Variants in ALDH1A1 observed in about 807,000 individuals in gnomAD.
ALDH1A1 encodes the protein aldehyde dehydrogenase 1A1.
ALDH1A1 carries 19 observed loss-of-function variants against 62.1 expected under a neutral mutation model. That is an observed-to-expected ratio of 0.31 (90% confidence interval 0.21 to 0.45). The LOEUF (loss-of-function observed/expected upper bound fraction) is 0.45. Among genes scored for constraint, ALDH1A1 ranks in the 20% least tolerant of loss-of-function variants. The pLI, the probability that ALDH1A1 is intolerant of heterozygous loss-of-function variation, is 1.00. For synonymous variants in ALDH1A1, 231 were observed against 215.9 expected, an observed-to-expected ratio of 1.07 and a Z score of -0.61; for missense variants, 521 against 607.1, an observed-to-expected ratio of 0.86 and a Z score of 1.49.
intron 12 of ALDH1A1, among the ~76,000 whole-genome samples, chr9:72,902,207 TG>T (rs1474469745): frequency 6.6e-6 from 1 of 152,048 alleles, no homozygotes; most frequent in Non-Finnish European, 1.5e-5. Flanking sequence ...AGAAACTGAC[TG>T]ATTTACCCCT....
Position 72,902,667 on chromosome 9 carries a change from G to A in ALDH1A1, c.1434-1387C>T, listed in dbSNP as rs8187991. Among the ~76,000 whole-genome samples the A allele has an allele frequency of 3.7e-3, 562 of 152,046 alleles. 6 individuals carry two copies. The highest frequency in any genetic ancestry group is 6.9e-3 in the Non-Finnish European group (468 of 67,904). On this transcript the variant is annotated intron_variant, in intron 12 of 12. Coordinates refer to ENST00000297785, the MANE Select transcript of ALDH1A1 (RefSeq NM_000689.5). ...GTCATATAGGCACTTGAAGCTCTCAGGAGAGTAATAAGTGGGATTTTTGTC... is the reference window on the plus strand; with the variant it reads ...GTCATATAGGCACTTGAAGCTCTCAAGAGAGTAATAAGTGGGATTTTTGTC...
intron 12 of ALDH1A1, among the ~76,000 whole-genome samples, chr9:72,903,307 G>A (rs1829830613): frequency 6.6e-6 from 1 of 151,974 alleles, no homozygotes; most frequent in African/African-American, 2.4e-5. Context: ...ACTAATCCCA[G>A]AGCCAACACT....
chr9:72,904,838 T>C (rs1829855378), intron 12 of ALDH1A1, among the ~76,000 whole-genome samples: 1 of 152,134 alleles, frequency 6.6e-6, no homozygotes, highest in Non-Finnish European at 1.5e-5. Flanking sequence ...ACTACTTATT[T>C]CATAGTGTAT....
Position 72,909,722 on chromosome 9 carries a change from G to C in ALDH1A1, c.1238C>G (p.Ser413Cys). 6.2e-7 allele frequency: 1 copy of C among 1,613,552 alleles called. No homozygotes were observed. The highest frequency in any genetic ancestry group is 1.7e-5 in the Admixed American group (1 of 59,984). ...GPVQQIMKFK[S>C]LDDVIKRANN... ...TGCTCTTTTGATCACGTCATCTAAA[G>C]ATTTAAACTTCATGATTTGCTGCAC... The change falls in exon 11 of 13, where the codon TCT becomes TGT. Residue 413 changes from serine (S) to cysteine (C), a missense_variant. Transcript: ENST00000297785.
chr9:72,915,536 A>G (rs1251922574), intron 9 of ALDH1A1, among the ~76,000 whole-genome samples: 1 of 152,198 alleles, frequency 6.6e-6, no homozygotes, highest in Non-Finnish European at 1.5e-5. Flanking sequence ...TGGCATCCAT[A>G]TACCAAATAT....
At chr9:72,946,013 T>C in intron 1 of ALDH1A1, among the ~76,000 whole-genome samples, 1 of 152,050 alleles carries the variant, frequency 6.6e-6, no homozygotes, top group Non-Finnish European at 1.5e-5. Context: ...GCCTTTTCAA[T>C]TGTGTCAGGG....
intron 11 of ALDH1A1, among the ~76,000 whole-genome samples, chr9:72,908,839 G>A (rs1829940607): frequency 6.6e-6 from 1 of 152,038 alleles, no homozygotes; most frequent in South Asian, 2.1e-4. Context: ...ATAAAAATAA[G>A]AGATATAAAC....
At chr9:72,905,825 A>G (rs1296180194) in intron 12 of ALDH1A1, 133 bp downstream of exon 12, 1 of 669,514 alleles carries the variant, frequency 1.5e-6, no homozygotes, top group East Asian at 2.8e-5. Context: ...TTAATAAGCT[A>G]TTTGGTGCTA....
chr9:72,939,351 T>A (rs1438997155), intron 2 of ALDH1A1, among the ~76,000 whole-genome samples: 1 of 152,172 alleles, frequency 6.6e-6, no homozygotes, highest in Non-Finnish European at 1.5e-5. Context: ...ATAACAACGC[T>A]TGTAATTTGT....
intron 11 of ALDH1A1, among the ~76,000 whole-genome samples, chr9:72,906,939 A>G (rs910192339): frequency 6.6e-6 from 1 of 152,092 alleles, no homozygotes; most frequent in African/African-American, 2.4e-5. Flanking sequence ...AGAGTTTGAG[A>G]CCAGCCTGGG....
intron 4 of ALDH1A1, among the ~76,000 whole-genome samples, chr9:72,928,082 G>A (rs889808761): frequency 6.6e-6 from 1 of 150,534 alleles, no homozygotes; most frequent in South Asian, 2.2e-4. Context: ...TAGTACCACC[G>A]AGGTCTTACT....
rs369651771 is a variant in ALDH1A1, at chr9:72,942,394, A to T, written c.67-2142T>A. ...ACACTGTCCCCCAGCCCTATCTCTC[A>T]CACACTTTCCTTCTTCTGTTAATGA... On this transcript the variant is annotated intron_variant, in intron 1 of 12. Coordinates refer to ENST00000297785, the MANE Select transcript of ALDH1A1 (RefSeq NM_000689.5). 9.8e-5 allele frequency: 96 copies of T among 983,966 alleles called. No homozygotes were observed. In the African/African-American group the frequency reaches 1.6e-3, roughly 17 times the overall value. The allele number at this position is 983,966 out of a possible 1,614,324, so 61.0% of individuals were successfully genotyped here. A position where few individuals can be genotyped will look rare whatever the true frequency, so the allele number is the denominator to read the frequency against.
At chr9:72,930,660 T>A (rs1470750472) in intron 3 of ALDH1A1, among the ~76,000 whole-genome samples, 2 of 152,322 alleles carry the variant, frequency 1.3e-5, no homozygotes, top group Middle Eastern at 3.4e-3. Context: ...GACCGTAGAA[T>A]CTATTATGGG....
At chr9:72,925,782 C>T (rs183999437) in intron 5 of ALDH1A1, among the ~76,000 whole-genome samples, 170 bp from the exon 6 acceptor site, 25 of 152,120 alleles carry the variant, frequency 1.6e-4, no homozygotes, top group Admixed American at 9.8e-4. Context: ...AATGCTAAAA[C>T]GCTCTGAATA....
chr9:72,905,450 TATG>T (rs1829866402), intron 12 of ALDH1A1, among the ~76,000 whole-genome samples: 2 of 152,108 alleles, frequency 1.3e-5, no homozygotes, highest in South Asian at 4.1e-4. Context: ...AATAACTTCT[TATG>T]GTAATAAAAA....
intron 1 of ALDH1A1, among the ~76,000 whole-genome samples, chr9:72,948,309 A>C (rs1273407567): frequency 6.6e-6 from 1 of 151,998 alleles, no homozygotes; most frequent in African/African-American, 2.4e-5. Flanking sequence ...AAGCAGCATC[A>C]CAGCACAATC....
intron 6 of ALDH1A1, 130 bp downstream of exon 6, chr9:72,925,354 A>C: frequency 9.4e-7 from 1 of 1,059,796 alleles, no homozygotes; most frequent in Non-Finnish European, 1.3e-6. Context: ...CCGTCATGCT[A>C]AATGTATTCC....
intron 12 of ALDH1A1, 22 bp from the exon 13 acceptor site, chr9:72,901,302 C>T (rs1399207401): frequency 2.0e-6 from 3 of 1,524,608 alleles, no homozygotes; most frequent in Non-Finnish European, 2.7e-6. Context: ...AAAAACATAC[C>T]CACAAACACC....
At chr9:72,901,326 G>A in intron 12 of ALDH1A1, 46 bp from the exon 13 acceptor site, 1 of 1,304,906 alleles carries the variant, frequency 7.7e-7, no homozygotes, top group Non-Finnish European at 1.1e-6. Flanking sequence ...TAGCACAGCA[G>A]TATAAATATA....
Sources: allele counts gnomAD v4.1 joint callset (sites outside exome capture counted in the v4.1 genomes callset), GRCh38; gene constraint gnomAD v4.1.1; transcripts MANE v1.5; gene names NCBI Gene and HGNC (gene_info 2026-07-23, HGNC 2026-07-21).